The following COL21A1 variants were observed in gnomAD, a reference collection of about 807,000 sequenced individuals.
COL21A1 encodes the protein collagen type XXI alpha 1 chain, also known as collagen alpha-1(XXI) chain.
COL21A1 carries 149 observed loss-of-function variants against 137.9 expected under a neutral mutation model. The observed-to-expected ratio is 1.08, with a 90% confidence interval of 0.95 to 1.24. COL21A1 has a LOEUF of 1.24. Among genes scored for constraint, COL21A1 ranks in the 50% most tolerant of loss-of-function variants. The pLI, the probability that COL21A1 is intolerant of heterozygous loss-of-function variation, is 0.00. For synonymous variants in COL21A1, 456 were observed against 391.5 expected, an observed-to-expected ratio of 1.16 and a Z score of -1.95; for missense variants, 1,167 against 1,158.4, an observed-to-expected ratio of 1.01 and a Z score of -0.11.
chr6:56,380,348 C>T (rs1477534563), intron 1 of COL21A1, among the ~76,000 whole-genome samples: 1 of 152,174 alleles, frequency 6.6e-6, no homozygotes, highest in Non-Finnish European at 1.5e-5. Context: ...TACTCAGTCT[C>T]AGGTATTCTT....
chr6:56,384,487 T>TA (rs1445738841), intron 1 of COL21A1, among the ~76,000 whole-genome samples: 1 of 152,224 alleles, frequency 6.6e-6, no homozygotes, highest in Non-Finnish European at 1.5e-5. Context: ...GCCAGGAAGA[T>TA]AAATTCTTAC....
At chr6:56,364,030 A>G (rs181697731) in intron 1 of COL21A1, among the ~76,000 whole-genome samples, 89 of 152,352 alleles carry the variant, frequency 5.8e-4, no homozygotes, top group Non-Finnish European at 1.1e-3. Context: ...TAGGTTGGAA[A>G]GCTGCCAAGA....
rs767329441 is a variant in COL21A1, at chr6:56,156,902, A to T, written c.1419T>A (p.Gly473=). The stretch of plus-strand genomic sequence containing the variant: ...CAGTACTCACAGGCTTACCATCTTG[A>T]CCAGGTTGTCCAGGGTAGCCAGGGT... ...PGNPGYPGQP[G]QDGKPGYQGI... Residue 473 remains glycine, a synonymous_variant, in exon 10 of 30, where the codon GGT becomes GGA. Coordinates refer to ENST00000244728, the MANE Select transcript of COL21A1 (RefSeq NM_030820.4). 6.8e-6 allele frequency: 11 copies of T among 1,612,274 alleles called. No homozygotes were observed. Among genetic ancestry groups the T allele is most frequent in the Non-Finnish European group, 9.3e-6 (11 of 1,179,212 alleles).
intron 1 of COL21A1, among the ~76,000 whole-genome samples, chr6:56,284,967 C>T (rs1763870149): frequency 6.6e-6 from 1 of 152,290 alleles, no homozygotes; most frequent in South Asian, 2.1e-4. Context: ...TTTAAGCCCC[C>T]AGGTGATTCA....
chr6:56,213,239 A>G (rs1780288046), intron 1 of COL21A1, among the ~76,000 whole-genome samples: 1 of 152,172 alleles, frequency 6.6e-6, no homozygotes, highest in Admixed American at 6.6e-5. Flanking sequence ...ATTTCAATAG[A>G]TAAAATACAA....
intron 1 of COL21A1, among the ~76,000 whole-genome samples, chr6:56,267,766 A>G (rs1763425823): frequency 7.6e-6 from 1 of 131,224 alleles, no homozygotes; most frequent in South Asian, 2.9e-4. Flanking sequence ...AAAAAAAAAA[A>G]AAAAAAGAAG....
intron 7 of COL21A1, among the ~76,000 whole-genome samples, chr6:56,165,729 G>A (rs73443748): frequency 0.017 from 2,580 of 152,126 alleles, 68 homozygotes; most frequent in African/African-American, 0.059. Context: ...GGATCCATAC[G>A]TTATTCCATT....
intron 1 of COL21A1, among the ~76,000 whole-genome samples, chr6:56,221,029 T>A (rs1780793948): frequency 6.6e-6 from 1 of 152,142 alleles, no homozygotes; most frequent in Non-Finnish European, 1.5e-5. Context: ...TAGTTCTTCT[T>A]CATGCATTAA....
At chr6:56,172,326 G>A (rs900264383) in intron 3 of COL21A1, among the ~76,000 whole-genome samples, 3 of 152,140 alleles carry the variant, frequency 2.0e-5, no homozygotes, top group Admixed American at 6.5e-5. Flanking sequence ...AAGACTATCA[G>A]CAGATTTCTC....
At chr6:56,329,914 T>C (rs554512006) in intron 1 of COL21A1, among the ~76,000 whole-genome samples, 303 of 152,264 alleles carry the variant, frequency 2.0e-3, no homozygotes, top group Middle Eastern at 6.8e-3. Flanking sequence ...TCTCCAAGGA[T>C]AGAACTTTTG....
intron 1 of COL21A1, among the ~76,000 whole-genome samples, chr6:56,241,270 G>A (rs1469077477): frequency 1.3e-5 from 2 of 152,070 alleles, no homozygotes; most frequent in African/African-American, 4.8e-5. Flanking sequence ...TTCATCATGA[G>A]AAAAGAACAA....
chr6:56,101,824 G>T (rs1285093567), intron 16 of COL21A1, among the ~76,000 whole-genome samples: 1 of 152,004 alleles, frequency 6.6e-6, no homozygotes, highest in Non-Finnish European at 1.5e-5. Flanking sequence ...AGGTAAATGT[G>T]ACCAATATTC....
intron 17 of COL21A1, among the ~76,000 whole-genome samples, chr6:56,081,245 T>C (rs146106095): frequency 4.4e-4 from 67 of 151,786 alleles, no homozygotes; most frequent in Admixed American, 9.9e-4. Flanking sequence ...TTTTTCTTTT[T>C]TCTTTTTTTT....
chr6:56,392,767 G>T (rs1328535967), intron 1 of COL21A1, among the ~76,000 whole-genome samples: 1 of 151,972 alleles, frequency 6.6e-6, no homozygotes, highest in African/African-American at 2.4e-5. Context: ...AAAATTAAAT[G>T]CCTAGGAATA....
At position 56,253,293 on chromosome 6, in the gene COL21A1, G is replaced by A. The variant is rs78124965; in HGVS notation, c.-38-70637C>T. Among the ~76,000 whole-genome samples, 50 of 152,188 alleles carry A rather than the reference G, an allele frequency of 3.3e-4. No individual in the cohort carries two copies. The East Asian group carries it at 6.4e-3, about 20-fold the overall frequency. ...TTGTAGTAGTCCTTGATTTTGGTTCGTATGAAAACATCACTGGGACATTCA... is the reference window on the plus strand; with the variant it reads ...TTGTAGTAGTCCTTGATTTTGGTTCATATGAAAACATCACTGGGACATTCA... On this transcript the variant is annotated intron_variant, in intron 1 of 28. Coordinates refer to the COL21A1 transcript ENST00000370819.
At chr6:56,328,646 T>G (rs974517835) in intron 1 of COL21A1, among the ~76,000 whole-genome samples, 1 of 152,060 alleles carries the variant, frequency 6.6e-6, no homozygotes, top group Non-Finnish European at 1.5e-5. Context: ...AAACAAAACT[T>G]CTTTCTAATT....
intron 1 of COL21A1, among the ~76,000 whole-genome samples, chr6:56,337,806 G>A (rs1241568111): frequency 6.6e-6 from 1 of 152,062 alleles, no homozygotes; most frequent in East Asian, 1.9e-4. Context: ...CCATTGATTT[G>A]GGATTATTTG....
At chr6:56,377,414 C>A (rs2094001342) in intron 1 of COL21A1, among the ~76,000 whole-genome samples, 1 of 152,108 alleles carries the variant, frequency 6.6e-6, no homozygotes, top group Non-Finnish European at 1.5e-5. Context: ...CATTTCAGTG[C>A]TCTGGGAGAG....
Position 56,204,669 on chromosome 6 carries a change from C to A in COL21A1, c.-38-22013G>T, listed in dbSNP as rs999600544. 4.6e-5 allele frequency among the ~76,000 whole-genome samples: 7 copies of A among 152,158 alleles called. 1 individual carries two copies. The East Asian group carries it at 9.7e-4, about 21-fold the overall frequency. On this transcript the variant is annotated intron_variant, in intron 1 of 29. Transcript: ENST00000244728. ...TGCCTCCACAGTGGGTCCCTGACCC[C>A]CGTGTATCCTGACTGGGAGATACCT...
Sources: allele counts gnomAD v4.1 joint callset (sites outside exome capture counted in the v4.1 genomes callset), GRCh38; gene constraint gnomAD v4.1.1; transcripts MANE v1.5; gene names NCBI Gene and HGNC (gene_info 2026-07-23, HGNC 2026-07-21).